Variants in PCDHGA3 observed in about 807,000 individuals in gnomAD.
PCDHGA3 encodes the protein protocadherin gamma subfamily A, 3, also known as protocadherin gamma-A3.
PCDHGA3 carries 40 observed loss-of-function variants against 58.5 expected under a neutral mutation model. The ratio of observed to expected loss-of-function variants is 0.68; its 90% CI spans 0.53 to 0.89. The LOEUF is 0.89. PCDHGA3 is among the 40% of genes least tolerant of loss of function. PCDHGA3 has a pLI of 0.00. For missense variants in PCDHGA3, 1,223 were observed against 1,195.9 expected (o/e 1.02, Z -0.33); for synonymous variants, 530 against 525.7 (o/e 1.01, Z -0.11).
chr5:141,454,493 A>G (rs1328573277), intron 1 of PCDHGA3, among the ~76,000 whole-genome samples: 1 of 151,866 alleles, frequency 6.6e-6, no homozygotes, highest in Non-Finnish European at 1.5e-5. Context: ...CGCAACCTCC[A>G]CCTCCTGGAT....
chr5:141,403,789 C>T (rs1230029917), intron 1 of PCDHGA3: 1 of 1,613,864 alleles, frequency 6.2e-7, no homozygotes, highest in East Asian at 2.2e-5. Flanking sequence ...AAGTGGCATA[C>T]AAATTCTGGA....
intron 1 of PCDHGA3, chr5:141,366,122 T>G: frequency 6.2e-7 from 1 of 1,614,210 alleles, no homozygotes. Context: ...GGACAAAGAT[T>G]CAGGCCAGAA....
At chr5:141,481,982 G>A (rs1378873905) in intron 1 of PCDHGA3, among the ~76,000 whole-genome samples, 2 of 151,628 alleles carry the variant, frequency 1.3e-5, no homozygotes, top group African/African-American at 2.4e-5. Context: ...CTACTTGGGA[G>A]GTTGAAGCAG....
At chr5:141,376,407 A>G (rs1352753803) in intron 1 of PCDHGA3, 2 of 1,614,198 alleles carry the variant, frequency 1.2e-6, no homozygotes, top group Non-Finnish European at 1.7e-6. Flanking sequence ...CAGCCCAACT[A>G]TGCCGACACG....
intron 1 of PCDHGA3, among the ~76,000 whole-genome samples, chr5:141,353,714 T>C (rs1759366304): frequency 6.6e-6 from 1 of 152,272 alleles, no homozygotes; most frequent in Non-Finnish European, 1.5e-5. Flanking sequence ...GTTTCTTTAG[T>C]GTAGATTTCT....
rs1408248560 is a variant in PCDHGA3 at position 141,475,829 on chromosome 5, G to C, written c.2425-18978G>C. On this transcript the variant is annotated intron_variant, in intron 1 of 3. Coordinates refer to ENST00000253812, the MANE Select transcript of PCDHGA3 (RefSeq NM_018916.4). ...AAAGTGAAGTTCCTGGCGCTAGCGC[G>C]TGTCCTGCTCAGAGAGCCCGGCGCT... The C allele has an allele frequency of 1.0e-5, 4 of 386,748 alleles. No individual in the cohort carries two copies. In the South Asian group the frequency reaches 1.4e-4, roughly 14 times the overall value. The allele number at this position is 386,748 out of a possible 1,614,324, so 24.0% of individuals were successfully genotyped here. A position where few individuals can be genotyped will look rare whatever the true frequency, so the allele number is the denominator to read the frequency against.
chr5:141,362,763 G>A, intron 1 of PCDHGA3: 2 of 636,758 alleles, frequency 3.1e-6, no homozygotes, highest in South Asian at 2.1e-5. Flanking sequence ...TTTATCACAT[G>A]AGATATTGCA....
chr5:141,468,868 AAATAAT>A (rs993655754), intron 1 of PCDHGA3, among the ~76,000 whole-genome samples: 1 of 151,794 alleles, frequency 6.6e-6, no homozygotes, highest in Non-Finnish European at 1.5e-5. Context: ...TCCATCTCAA[AAATAAT>A]AATAATAATA....
intron 1 of PCDHGA3, chr5:141,378,340 T>G (rs887140006): frequency 2.0e-5 from 3 of 152,166 alleles, no homozygotes; most frequent in African/African-American, 7.2e-5. Context: ...CTGACCAACA[T>G]GGTGAAACCC....
chr5:141,506,435 G>A (rs1470687416), intron 3 of PCDHGA3, among the ~76,000 whole-genome samples: 7 of 126,234 alleles, frequency 5.5e-5, no homozygotes, highest in African/African-American at 2.0e-4. Context: ...CAACAGTCTC[G>A]CTCTGTCTCA....
At chr5:141,505,306 T>C in intron 2 of PCDHGA3, 87 bp from the exon 3 acceptor site, 4 of 1,596,550 alleles carry the variant, frequency 2.5e-6, no homozygotes, top group Non-Finnish European at 3.4e-6. Context: ...GTTAGGGTAC[T>C]AGGTTTGGGA....
Position 141,477,864 on chromosome 5 carries a change from G to A in PCDHGA3, c.2425-16943G>A, listed in dbSNP as rs775055164. On this transcript the variant is annotated intron_variant, in intron 1 of 3. Transcript: ENST00000253812. The surrounding 1 kb of genome is among the most constrained non-coding windows in gnomAD (Gnocchi z 4.9). Reference sequence around the variant, plus strand: ...AGCTCGGTGGAGATGCTGCCTCGAGGTACCTCAGCTGGCCACCTAGTGTCA... The same window carrying A: ...AGCTCGGTGGAGATGCTGCCTCGAGATACCTCAGCTGGCCACCTAGTGTCA... 1.2e-6 allele frequency: 2 copies of A among 1,613,122 alleles called. No homozygotes were observed. The highest frequency in any genetic ancestry group is 4.5e-5 in the East Asian group (2 of 44,822).
intron 2 of PCDHGA3, among the ~76,000 whole-genome samples, chr5:141,500,705 T>A (rs1169100560): frequency 6.6e-6 from 1 of 152,220 alleles, no homozygotes; most frequent in Non-Finnish European, 1.5e-5. Context: ...TTGCAGTGTA[T>A]CATGAGAATT....
At chr5:141,366,358 CAGTATCA>C (rs1426997728) in intron 1 of PCDHGA3, 16 of 1,613,898 alleles carry the variant, frequency 9.9e-6, no homozygotes, top group African/African-American at 1.3e-5. Context: ...CTGACCTAGG[CAGTATCA>C]AGACCCCCAT....
chr5:141,412,998 T>G, intron 1 of PCDHGA3: 1 of 586,036 alleles, frequency 1.7e-6, no homozygotes, highest in Non-Finnish European at 2.9e-6. Context: ...ATCCGGATTC[T>G]CAGGGCTTCA....
Position 141,431,473 on chromosome 5 carries a change from C to G in PCDHGA3, c.2425-63334C>G, listed in dbSNP as rs750300971. ...TGATGGTTCTGGATGCGAACGACAA[C>G]GCACCAGCGTTTGCTCAGCCCGAGT... On this transcript the variant is annotated intron_variant, in intron 1 of 3. Coordinates refer to ENST00000253812, the MANE Select transcript of PCDHGA3 (RefSeq NM_018916.4). This position sits in a 1 kb window ranked among gnomAD's most constrained non-coding sequence, Gnocchi z 4.8. 5.0e-6 allele frequency: 8 copies of G among 1,613,832 alleles called. No homozygotes were observed. The highest frequency in any genetic ancestry group is 1.7e-5 in the Admixed American group (1 of 60,026).
intron 1 of PCDHGA3, among the ~76,000 whole-genome samples, chr5:141,473,343 T>C (rs1309426537): frequency 6.6e-6 from 1 of 152,218 alleles, no homozygotes; most frequent in Non-Finnish European, 1.5e-5. Flanking sequence ...TGCTAGACAG[T>C]GAGGATGCAA....
intron 1 of PCDHGA3, among the ~76,000 whole-genome samples, chr5:141,447,047 T>C (rs529082157): frequency 1.3e-5 from 2 of 152,342 alleles, no homozygotes; most frequent in African/African-American, 4.8e-5. Flanking sequence ...TCTGGAATTC[T>C]ATTAAAATGT....
At chr5:141,504,384 C>G (rs2099837898) in intron 2 of PCDHGA3, among the ~76,000 whole-genome samples, 1 of 152,026 alleles carries the variant, frequency 6.6e-6, no homozygotes, top group South Asian at 2.1e-4. Flanking sequence ...GAGTCGCTGC[C>G]TCACAGAAGC....
Sources: gnomAD v4.1 joint callset for allele counts (sites outside exome capture counted in the v4.1 genomes callset) on GRCh38, gnomAD v4.1.1 for gene constraint, Gnocchi (gnomAD v3.1) non-coding constraint, MANE v1.5 for transcripts, NCBI Gene and HGNC (gene_info 2026-07-23, HGNC 2026-07-21) for gene names.